The following SDK1 variants were observed in gnomAD, a reference collection of about 807,000 sequenced individuals.
SDK1 encodes sidekick cell adhesion molecule 1, also known as protein sidekick-1.
In SDK1, 157 loss-of-function variants were observed where a neutral mutation model predicts 245.5. That is an observed-to-expected ratio of 0.64 (90% CI 0.56 to 0.73). The LOEUF (loss-of-function observed/expected upper bound fraction) is 0.73, where lower values mean the gene tolerates loss of function less well. Among genes scored for constraint, SDK1 ranks in the 30% least tolerant of loss-of-function variants. SDK1 has a pLI of 0.00. For synonymous variants in SDK1, 1,647 were observed against 1,278.5 expected (o/e 1.29, Z -6.15); for missense variants, 3,583 against 3,002.3 (o/e 1.19, Z -4.52).
intron 14 of SDK1, among the ~76,000 whole-genome samples, chr7:4,007,697 C>G (rs372905817): frequency 6.6e-6 from 1 of 152,078 alleles, no homozygotes. Flanking sequence ...CTCCGCCTCC[C>G]GGGTTTCAGC....
At chr7:3,318,914 A>T (rs899648922) in intron 1 of SDK1, among the ~76,000 whole-genome samples, 1 of 152,174 alleles carries the variant, frequency 6.6e-6, no homozygotes, top group Non-Finnish European at 1.5e-5. Flanking sequence ...CTGGGATAGA[A>T]CTGAGATTTG....
chr7:3,364,219 T>A (rs1781027291), intron 1 of SDK1, among the ~76,000 whole-genome samples: 1 of 152,234 alleles, frequency 6.6e-6, no homozygotes, highest in Non-Finnish European at 1.5e-5. Flanking sequence ...ACAAATATAT[T>A]CTCACTCTGT....
Position 4,047,558 on chromosome 7 carries a change from G to C in SDK1, c.2603-1790G>C, listed in dbSNP as rs75123417. On this transcript the variant is annotated intron_variant, in intron 17 of 44. Transcript: ENST00000404826. Reference sequence around the variant, plus strand: ...GGAATTCATCCATGAAATATGCGTAGTTCTTACCTTTGTTCCTCTGGATGC... The same window carrying C: ...GGAATTCATCCATGAAATATGCGTACTTCTTACCTTTGTTCCTCTGGATGC... Among the ~76,000 whole-genome samples the C allele has an allele frequency of 5.8e-3, 888 of 152,292 alleles. 2 individuals carry two copies. Among genetic ancestry groups the C allele is most frequent in the African/African-American group, 0.021 (871 of 41,560 alleles).
chr7:3,815,658 TC>T (rs1269043439), intron 4 of SDK1, among the ~76,000 whole-genome samples: 1 of 151,768 alleles, frequency 6.6e-6, no homozygotes, highest in African/African-American at 2.4e-5. Context: ...TCCCTCTTTT[TC>T]TATTGATTGG....
At chr7:4,234,199 C>T (rs543749185) in intron 41 of SDK1, among the ~76,000 whole-genome samples, 6 of 152,258 alleles carry the variant, frequency 3.9e-5, no homozygotes, top group South Asian at 2.1e-4. Context: ...GCAGTATTGC[C>T]GTCCCTGAGG....
At chr7:4,102,867 C>T (rs1782648989) in intron 22 of SDK1, among the ~76,000 whole-genome samples, 1 of 151,918 alleles carries the variant, frequency 6.6e-6, no homozygotes, top group Non-Finnish European at 1.5e-5. Flanking sequence ...TGAAGGACCG[C>T]CCCTACCGGG....
chr7:3,516,084 C>T (rs528910207), intron 1 of SDK1, among the ~76,000 whole-genome samples: 1 of 148,764 alleles, frequency 6.7e-6, no homozygotes, highest in South Asian at 2.1e-4. Context: ...TAGAACTCAC[C>T]TTTGTTCCTG....
chr7:3,611,357 C>G (rs1020672203), intron 1 of SDK1, among the ~76,000 whole-genome samples: 1 of 152,092 alleles, frequency 6.6e-6, no homozygotes, highest in African/African-American at 2.4e-5. Context: ...TTTCTCCTTT[C>G]TCCTCCTGCT....
intron 5 of SDK1, among the ~76,000 whole-genome samples, chr7:3,871,700 C>T (rs1477686709): frequency 2.0e-5 from 3 of 152,288 alleles, no homozygotes; most frequent in Admixed American, 6.5e-5. Context: ...ACAATCAGCC[C>T]TCCCAGGAAC....
At chr7:3,468,538 G>C (rs1781082983) in intron 1 of SDK1, among the ~76,000 whole-genome samples, 1 of 152,104 alleles carries the variant, frequency 6.6e-6, no homozygotes, top group Non-Finnish European at 1.5e-5. Context: ...CTGCCTCTCT[G>C]TGTAAAAACT....
intron 5 of SDK1, among the ~76,000 whole-genome samples, chr7:3,830,014 T>C (rs1231692797): frequency 6.6e-6 from 1 of 152,172 alleles, no homozygotes; most frequent in Admixed American, 6.5e-5. Context: ...TGTTTTGTTA[T>C]CAGTAATGCA....
rs563942544 is a variant in SDK1, at chr7:4,120,729, G to A, written c.3823+6455G>A. ...CCTCCTGGGTGCAAGCGATTCTCCT[G>A]CCTTAGCCTCCCAAGTAGCTGGGAT... On this transcript the variant is annotated intron_variant, in intron 25 of 44. Transcript: ENST00000404826. Among the ~76,000 whole-genome samples the A allele has an allele frequency of 1.4e-3, 219 of 152,144 alleles. 3 individuals carry two copies. The highest frequency in any genetic ancestry group is 5.1e-3 in the African/African-American group (212 of 41,498).
intron 40 of SDK1, among the ~76,000 whole-genome samples, chr7:4,222,950 G>C (rs563259714): frequency 6.6e-6 from 1 of 152,216 alleles, no homozygotes; most frequent in East Asian, 1.9e-4. Flanking sequence ...GAGGCCAAGG[G>C]GGAGGGAGCT....
intron 1 of SDK1, among the ~76,000 whole-genome samples, chr7:3,566,224 CTT>C (rs568790658): frequency 1.4e-4 from 18 of 125,364 alleles, no homozygotes; most frequent in Non-Finnish European, 1.8e-4. Flanking sequence ...TAAACTTCTT[CTT>C]TTTTTTTTTT....
At chr7:3,727,139 T>G (rs539657215) in intron 4 of SDK1, among the ~76,000 whole-genome samples, 3 of 152,362 alleles carry the variant, frequency 2.0e-5, no homozygotes, top group East Asian at 3.9e-4. Flanking sequence ...TTGAAGGGAC[T>G]GATTTTCACA....
intron 1 of SDK1, among the ~76,000 whole-genome samples, chr7:3,337,590 A>G (rs1302060125): frequency 6.6e-6 from 1 of 152,228 alleles, no homozygotes; most frequent in Non-Finnish European, 1.5e-5. Context: ...GTGCCAAGAC[A>G]CATCCTGATT....
intron 4 of SDK1, among the ~76,000 whole-genome samples, chr7:3,696,057 C>T (rs965036411): frequency 6.6e-6 from 1 of 152,154 alleles, no homozygotes; most frequent in African/African-American, 2.4e-5. Context: ...TTCCGGTTTT[C>T]CCACTTGTCC....
At chr7:4,088,163 G>T (rs1307329166) in intron 22 of SDK1, among the ~76,000 whole-genome samples, 1 of 152,192 alleles carries the variant, frequency 6.6e-6, no homozygotes, top group Non-Finnish European at 1.5e-5. Context: ...TGGCTGCTCA[G>T]CCTGGTGTAT....
rs186598881 is a variant in SDK1 at position 3,645,650 on chromosome 7, A to G, written c.713+3545A>G. The stretch of plus-strand genomic sequence containing the variant: ...AAAAATCTAGATGCGAAAACCCAAT[A>G]TATTGCTTTCCATGTCTAAGAAAGT... On this transcript the variant is annotated intron_variant, in intron 4 of 44. Transcript: ENST00000404826. Among the ~76,000 whole-genome samples the G allele has an allele frequency of 1.2e-3, 179 of 152,266 alleles. 1 individual carries two copies. The highest frequency in any genetic ancestry group is 4.2e-3 in the African/African-American group (176 of 41,560).
Sources: gnomAD v4.1 joint callset for allele counts (sites outside exome capture counted in the v4.1 genomes callset) on GRCh38, gnomAD v4.1.1 for gene constraint, MANE v1.5 for transcripts, NCBI Gene and HGNC (gene_info 2026-07-23, HGNC 2026-07-21) for gene names.